Variants in MED13L observed in about 807,000 individuals in gnomAD.
The protein encoded by MED13L is mediator complex subunit 13L, also known as mediator of RNA polymerase II transcription subunit 13-like.
A neutral mutation model predicts 220.9 loss-of-function variants in MED13L; 7 were observed. The ratio of observed to expected loss-of-function variants is 0.03; its 90% CI spans 0.02 to 0.06. The LOEUF is 0.06. Ranked by LOEUF, MED13L falls within the 10% of genes least tolerant of loss-of-function variation. MED13L has a pLI of 1.00. For missense variants in MED13L, 1,965 were observed against 2,760.5 expected, an observed-to-expected ratio of 0.71 and a Z score of 6.46; for synonymous variants, 1,011 against 1,015.2, an observed-to-expected ratio of 1.00 and a Z score of 0.08.
intron 1 of MED13L, 34 bp downstream of exon 1, chr12:116,277,025 CG>C: frequency 1.2e-5 from 17 of 1,434,316 alleles, no homozygotes; most frequent in Non-Finnish European, 1.5e-5. Context: ...CCCCCTTCCC[CG>C]GCACAGCCCC....
At chr12:116,239,612 A>C (rs544824731) in intron 1 of MED13L, among the ~76,000 whole-genome samples, 1 of 152,190 alleles carries the variant, frequency 6.6e-6, no homozygotes, top group Non-Finnish European at 1.5e-5. Context: ...TTTTATTTCC[A>C]CTACTGTAAT....
At position 115,991,022 on chromosome 12, in the gene MED13L, T is replaced by G; in HGVS notation, c.3932A>C (p.Asn1311Thr). Reference sequence around the variant, plus strand: ...AATTTGTGTTCTGGGACACCTACCATTGCTGTGAGGCCAAGAGTGCACAGT... The same window carrying G: ...AATTTGTGTTCTGGGACACCTACCAGTGCTGTGAGGCCAAGAGTGCACAGT... ...SATVHSWPHS[N>T]VLDISMLSSQ... Residue 1311 changes from asparagine to threonine, a missense_variant and splice_region_variant, in exon 17 of 31, where the codon AAT (asparagine) becomes ACT (threonine). Transcript: ENST00000281928. The surrounding 1 kb of genome is among the most constrained non-coding windows in gnomAD (Gnocchi z 7.7). 1.2e-6 allele frequency: 2 copies of G among 1,613,758 alleles called. No individual in the cohort carries two copies. Among genetic ancestry groups the G allele is most frequent in the Non-Finnish European group, 1.7e-6 (2 of 1,179,942 alleles).
At chr12:116,234,215 CTATTTATTTATTTATT>C (rs74508824) in intron 2 of MED13L, among the ~76,000 whole-genome samples, 6 of 149,758 alleles carry the variant, frequency 4.0e-5, no homozygotes, top group African/African-American at 1.2e-4. Context: ...CAGGATTCTG[CTATTTATTTATTTATT>C]TATTTATTTA....
At chr12:116,153,613 TAGC>T (rs1878216421) in intron 2 of MED13L, among the ~76,000 whole-genome samples, 1 of 152,182 alleles carries the variant, frequency 6.6e-6, no homozygotes, top group South Asian at 2.1e-4. Flanking sequence ...GAAGAAATAA[TAGC>T]AGTATTCCTA....
chr12:116,234,028 G>A (rs531738588), intron 2 of MED13L, among the ~76,000 whole-genome samples: 10 of 152,060 alleles, frequency 6.6e-5, no homozygotes, highest in Non-Finnish European at 1.3e-4. Context: ...AATGCAAGAT[G>A]GTTGCTTTGG....
At chr12:116,074,370 G>A (rs770805434) in intron 4 of MED13L, among the ~76,000 whole-genome samples, 3 of 152,186 alleles carry the variant, frequency 2.0e-5, no homozygotes, top group Admixed American at 1.3e-4. Flanking sequence ...ACTCTAGCCT[G>A]GGCGACAGAG....
At chr12:116,119,384 C>A (rs1417699275) in intron 2 of MED13L, among the ~76,000 whole-genome samples, 3 of 152,056 alleles carry the variant, frequency 2.0e-5, no homozygotes, top group African/African-American at 7.2e-5. Flanking sequence ...TTGGTGGTAG[C>A]TAGCAGTACC....
At chr12:115,995,169 T>C (rs1057420497) in intron 16 of MED13L, among the ~76,000 whole-genome samples, 4 of 152,178 alleles carry the variant, frequency 2.6e-5, no homozygotes, top group Non-Finnish European at 5.9e-5. Context: ...AGGATGATTT[T>C]ACAGAAGGTC....
At chr12:115,974,117 G>GT (rs1876773799) in intron 25 of MED13L, among the ~76,000 whole-genome samples, 2 of 151,936 alleles carry the variant, frequency 1.3e-5, no homozygotes, top group African/African-American at 4.8e-5. Flanking sequence ...CCTCCCATTT[G>GT]TTTTTGTAAA....
chr12:116,200,809 G>GA (rs1881964904), intron 2 of MED13L, among the ~76,000 whole-genome samples: 1 of 152,144 alleles, frequency 6.6e-6, no homozygotes, highest in Non-Finnish European at 1.5e-5. Context: ...CAGCAAGTTA[G>GA]ATTTTTTTAA....
intron 14 of MED13L, among the ~76,000 whole-genome samples, chr12:115,997,665 G>A (rs1242323854): frequency 1.3e-5 from 2 of 152,182 alleles, no homozygotes; most frequent in African/African-American, 2.4e-5. Flanking sequence ...CAAGTGGCCC[G>A]CCTGCCTCGT....
At chr12:116,138,381 G>A (rs1876769053) in intron 2 of MED13L, among the ~76,000 whole-genome samples, 2 of 152,200 alleles carry the variant, frequency 1.3e-5, no homozygotes, top group Admixed American at 6.5e-5. Flanking sequence ...GACAGGGAAG[G>A]GTGGTAACAA....
rs1444018437 is a variant in MED13L, at chr12:116,121,747, TC to T, written c.311-10236del. ...TGAACGTCTAGACATCAAAAACACT[TC>T]TTACTCCCACCTACTGCTTTTTTAC... is the stretch of plus-strand genomic sequence containing the variant. On this transcript the variant is annotated intron_variant, in intron 2 of 30. Coordinates refer to ENST00000281928, the MANE Select transcript of MED13L (RefSeq NM_015335.5). Among the ~76,000 whole-genome samples, 28 of 152,286 alleles carry T rather than the reference TC, an allele frequency of 1.8e-4. 1 individual carries two copies. The highest frequency in any genetic ancestry group is 1.8e-3 in the Admixed American group (27 of 15,268).
intron 2 of MED13L, among the ~76,000 whole-genome samples, chr12:116,193,754 T>C (rs1006967048): frequency 6.6e-6 from 1 of 152,116 alleles, no homozygotes. Context: ...CATATCTGCT[T>C]CTCTAGAGAA....
At chr12:116,006,460 T>G (rs772790496) in intron 11 of MED13L, 49 bp from the exon 12 acceptor site, 1 of 1,402,168 alleles carries the variant, frequency 7.1e-7, no homozygotes, top group South Asian at 1.2e-5. Context: ...CAACCCAAAG[T>G]GTGAAATATG....
chr12:116,153,545 T>C (rs1483019546), intron 2 of MED13L, among the ~76,000 whole-genome samples: 1 of 152,116 alleles, frequency 6.6e-6, no homozygotes, highest in African/African-American at 2.4e-5. Flanking sequence ...CAATAAAGAA[T>C]TAAAGTTAAG....
intron 4 of MED13L, among the ~76,000 whole-genome samples, chr12:116,072,693 C>T (rs772169343): frequency 2.1e-4 from 32 of 152,050 alleles, no homozygotes; most frequent in Non-Finnish European, 3.1e-4. Flanking sequence ...GTTAAGCCAC[C>T]GTGCCAGGCC....
In MED13L at chr12:115,958,707, T is replaced by C. The variant is rs189456777; in HGVS notation, c.*2559A>G. ...GTTTCTTTTTATCAAAGTCTTTTAG[T>C]GTACTGTACCAGCGCTATACTGTAG... is the stretch of plus-strand genomic sequence containing the variant. On this transcript the variant is annotated 3_prime_UTR_variant, in exon 31 of 31. Coordinates refer to ENST00000281928, the MANE Select transcript of MED13L (RefSeq NM_015335.5). The C allele has an allele frequency of 6.6e-6, 1 of 152,628 alleles. No individual in the cohort carries two copies. The highest frequency in any genetic ancestry group is 1.9e-4 in the East Asian group (1 of 5,190). The allele number at this position is 152,628 out of a possible 1,614,324, so 9.5% of individuals were successfully genotyped here.
At chr12:116,276,326 G>GTGTGTGTGTT (rs1346080614) in intron 1 of MED13L, 1 of 485,716 alleles carries the variant, frequency 2.1e-6, no homozygotes, top group African/African-American at 2.0e-5. Flanking sequence ...GTGTGTGTGT[G>GTGTGTGTGTT]TGTGTGTGTG....
Sources: gnomAD v4.1 joint callset for allele counts (sites outside exome capture counted in the v4.1 genomes callset) on GRCh38, gnomAD v4.1.1 for gene constraint, Gnocchi (gnomAD v3.1) non-coding constraint, MANE v1.5 for transcripts, NCBI Gene and HGNC (gene_info 2026-07-23, HGNC 2026-07-21) for gene names.